PKP2: variants seen among roughly 807,000 people sequenced by gnomAD.
The protein encoded by PKP2 is plakophilin-2.
Under a neutral mutation model 83.4 loss-of-function variants are expected in PKP2, and 73 were observed. That is an observed-to-expected ratio of 0.88 (90% CI 0.72 to 1.06). The LOEUF is 1.06. Ranked by LOEUF, PKP2 falls within the 50% of genes least tolerant of loss-of-function variation. The pLI, the probability that PKP2 is intolerant of heterozygous loss-of-function variation, is 0.00. For missense variants in PKP2, 966 were observed against 1,065.4 expected, an observed-to-expected ratio of 0.91 and a Z score of 1.30; for synonymous variants, 409 against 430.4, an observed-to-expected ratio of 0.95 and a Z score of 0.62.
Position 32,796,158 on chromosome 12 carries a change from G to C in PKP2, c.2308C>G (p.Leu770Val). The part of the protein sequence containing the change: ...QNSYQNARDL[L>V]NTGGIQKIMA... Reference sequence around the variant, plus strand: ...ATTTTCTGGATGCCCCCGGTGTTTAGAAGGTCGCGTGCATTCTGGTAACTG... The same window carrying C: ...ATTTTCTGGATGCCCCCGGTGTTTACAAGGTCGCGTGCATTCTGGTAACTG... Residue 770 changes from leucine (L) to valine (V), a missense_variant, in exon 11 of 13, where the codon CTA becomes GTA. By Grantham distance (32) the Leu-to-Val change is conservative. Coordinates refer to ENST00000340811, the MANE Select transcript of PKP2 (RefSeq NM_001005242.3). 6.2e-7 allele frequency: 1 copy of C among 1,614,180 alleles called. No individual in the cohort carries two copies. Among genetic ancestry groups the C allele is most frequent in the Non-Finnish European group, 8.5e-7 (1 of 1,180,040 alleles).
chr12:32,823,367 A>G (rs1956401275), intron 7 of PKP2, among the ~76,000 whole-genome samples: 1 of 146,438 alleles, frequency 6.8e-6, no homozygotes, highest in Admixed American at 6.9e-5. Flanking sequence ...CAGTGAGCTG[A>G]GATCGCACCA....
chr12:32,886,841 A>G (rs1957034801), intron 1 of PKP2, among the ~76,000 whole-genome samples: 1 of 152,074 alleles, frequency 6.6e-6, no homozygotes, highest in African/African-American at 2.4e-5. Context: ...AATTTTAAAA[A>G]TTTAAAAATT....
rs536050546 is a variant in PKP2, at chr12:32,886,503, A to AT, written c.224-7472dup. ...TCCGCACTCCTGAGTTGGTGAAGGA[A>AT]TTTTTTTTGTTTTTTGTCTGTCTGT... is the stretch of plus-strand genomic sequence containing the variant. On this transcript the variant is annotated intron_variant, in intron 1 of 12. Transcript: ENST00000340811. Among the ~76,000 whole-genome samples, 326 of 152,142 alleles carry AT rather than the reference A, an allele frequency of 2.1e-3. 2 individuals carry two copies. The highest frequency in any genetic ancestry group is 7.5e-3 in the African/African-American group (312 of 41,520).
intron 5 of PKP2, among the ~76,000 whole-genome samples, chr12:32,848,698 C>T (rs1956670257): frequency 6.6e-6 from 1 of 152,048 alleles, no homozygotes; most frequent in Admixed American, 6.6e-5. Flanking sequence ...GGGTACTATG[C>T]TGAGTACCTG....
At chr12:32,805,640 C>G (rs2137733235) in intron 9 of PKP2, among the ~76,000 whole-genome samples, 1 of 152,200 alleles carries the variant, frequency 6.6e-6, no homozygotes, top group South Asian at 2.1e-4. Context: ...TTTCTGAGTT[C>G]TCTATTCAAT....
Position 32,857,355 on chromosome 12 carries a change from G to C in PKP2, c.1171-6382C>G, listed in dbSNP as rs139344147. 4.1e-3 allele frequency among the ~76,000 whole-genome samples: 630 copies of C among 152,170 alleles called. 5 individuals are homozygous for C. Among genetic ancestry groups the C allele is most frequent in the Non-Finnish European group, 3.7e-3 (254 of 68,004 alleles). On this transcript the variant is annotated intron_variant, in intron 4 of 12. Transcript: ENST00000340811. ...AGAGGAGGACTGCTTGAGCTCAGAA[G>C]GTTGAGGCTGCAGTGAGCCATGATA...
intron 3 of PKP2, among the ~76,000 whole-genome samples, chr12:32,874,228 A>G (rs1430307131): frequency 6.6e-6 from 1 of 152,172 alleles, no homozygotes; most frequent in African/African-American, 2.4e-5. Context: ...CCCCCAAAAA[A>G]GGGCTGGACA....
At chr12:32,892,818 CGG>C (rs574559982) in intron 1 of PKP2, among the ~76,000 whole-genome samples, 2,999 of 20,030 alleles carry the variant, frequency 0.15, 487 homozygotes, top group Middle Eastern at 0.28. Flanking sequence ...GGGGTGGGGG[CGG>C]GGGGGGGGGG....
chr12:32,869,002 C>T lies in PKP2; in HGVS notation c.1095G>A (p.Met365Ile), dbSNP rs770333863. ...RAVSMLEADH[M>I]LPSRISAAAT... The stretch of plus-strand genomic sequence containing the variant: ...CTGCAGCAGAAATCCTGGATGGCAG[C>T]ATGTGGTCTGCCTCGAGCATACTCA... Residue 365 changes from methionine to isoleucine, a missense_variant, in exon 4 of 13, where the codon ATG becomes ATA. Transcript: ENST00000340811. 1.9e-5 allele frequency: 30 copies of T among 1,613,728 alleles called. 1 individual carries two copies. The highest frequency in any genetic ancestry group is 2.5e-5 in the Non-Finnish European group (30 of 1,179,830).
chr12:32,811,305 G>T (rs1380927861), intron 9 of PKP2, among the ~76,000 whole-genome samples: 1 of 152,288 alleles, frequency 6.6e-6, no homozygotes, highest in South Asian at 2.1e-4. Context: ...ATTCTAGTAG[G>T]TGCTGTCTCA....
Position 32,824,183 on chromosome 12 carries a change from CA to C in PKP2, c.1557-22del, listed in dbSNP as rs756004340. 8 of 1,509,944 alleles carry C rather than the reference CA, an allele frequency of 5.3e-6. No individual in the cohort carries two copies. The South Asian group carries it at 9.0e-5, about 17-fold the overall frequency. 93.5% of individuals were successfully genotyped at this position (1,509,944 alleles called of 1,614,324 possible). ...TGTTTCTATCAGAAAAAACAAAAAACAAAAAAGTAAGTCTAGGCTGTGTATC... is the reference window on the plus strand; with the variant it reads ...TGTTTCTATCAGAAAAAACAAAAAACAAAAAGTAAGTCTAGGCTGTGTATC... On this transcript the variant is annotated intron_variant, in intron 6 of 12. Transcript: ENST00000340811.
chr12:32,819,346 T>TA (rs1040381911), intron 9 of PKP2, among the ~76,000 whole-genome samples: 2 of 146,602 alleles, frequency 1.4e-5, no homozygotes, highest in East Asian at 1.9e-4. Flanking sequence ...TAAAATAAAA[T>TA]AAAGGGGCTT....
At chr12:32,805,069 T>C (rs1025364610) in intron 9 of PKP2, among the ~76,000 whole-genome samples, 3 of 152,190 alleles carry the variant, frequency 2.0e-5, no homozygotes, top group African/African-American at 4.8e-5. Context: ...TTGAGCTTTT[T>C]TTCACGTTTG....
At chr12:32,847,924 C>T (rs1956662085) in intron 5 of PKP2, among the ~76,000 whole-genome samples, 1 of 151,972 alleles carries the variant, frequency 6.6e-6, no homozygotes, top group Non-Finnish European at 1.5e-5. Context: ...GCGAGATCCC[C>T]ATCCTTTAAA....
At chr12:32,884,033 C>T (rs932644120) in intron 1 of PKP2, among the ~76,000 whole-genome samples, 7 of 152,252 alleles carry the variant, frequency 4.6e-5, no homozygotes, top group African/African-American at 1.7e-4. Context: ...CCTCCCTATA[C>T]CTGGAGGAAA....
chr12:32,824,273 T>C, intron 6 of PKP2, 111 bp from the exon 7 acceptor site: 2 of 791,244 alleles, frequency 2.5e-6, no homozygotes, highest in Non-Finnish European at 2.2e-6. Context: ...ACTGGCAAAT[T>C]TGTAAAAGTG....
intron 10 of PKP2, among the ~76,000 whole-genome samples, chr12:32,797,560 CTTT>C (rs751510872): frequency 1.5e-5 from 2 of 132,756 alleles, no homozygotes; most frequent in South Asian, 2.5e-4. Context: ...GAACTAAAAT[CTTT>C]TTTTTTTTTT....
intron 6 of PKP2, among the ~76,000 whole-genome samples, chr12:32,833,518 T>C (rs961144267): frequency 6.6e-6 from 1 of 152,134 alleles, no homozygotes. Flanking sequence ...ACAAGACTGA[T>C]AGTTATAGCC....
chr12:32,852,142 G>C (rs1956701870), intron 4 of PKP2, among the ~76,000 whole-genome samples: 1 of 152,174 alleles, frequency 6.6e-6, no homozygotes, highest in Admixed American at 6.5e-5. Flanking sequence ...AAGTTGCCAA[G>C]AGCTGTTGGT....
Sources: allele counts gnomAD v4.1 joint callset (sites outside exome capture counted in the v4.1 genomes callset), GRCh38; gene constraint gnomAD v4.1.1; transcripts MANE v1.5; gene names NCBI Gene and HGNC (gene_info 2026-07-23, HGNC 2026-07-21).